NISCH: variants seen among roughly 807,000 people sequenced by gnomAD.
NISCH encodes the protein nischarin.
A neutral mutation model predicts 138.4 loss-of-function variants in NISCH; 55 were observed. The ratio of observed to expected loss-of-function variants is 0.40; its 90% confidence interval spans 0.32 to 0.50. The LOEUF is 0.50. Ranked by LOEUF, NISCH falls within the 20% of genes least tolerant of loss-of-function variation. The pLI, the probability that NISCH is intolerant of heterozygous loss-of-function variation, is 0.71. For synonymous variants in NISCH, 860 were observed against 861.5 expected (o/e 1.00, Z 0.03); for missense variants, 1,643 against 2,005.5 (o/e 0.82, Z 3.45).
chr3:52,489,010 A>C (rs1371986703), intron 16 of NISCH, among the ~76,000 whole-genome samples: 1 of 152,068 alleles, frequency 6.6e-6, no homozygotes, highest in East Asian at 1.9e-4. Context: ...TACCTCCTCC[A>C]GGGTCACAGT....
intron 19 of NISCH, 68 bp downstream of exon 19, chr3:52,490,901 C>A (rs376804589): frequency 6.3e-7 from 1 of 1,593,458 alleles, no homozygotes. Context: ...CTTCCACCTT[C>A]CGTACGTGGG....
intron 3 of NISCH, among the ~76,000 whole-genome samples, chr3:52,462,037 G>A (rs1349562981): frequency 6.6e-6 from 1 of 152,080 alleles, no homozygotes; most frequent in Non-Finnish European, 1.5e-5. Flanking sequence ...GGGTGGAAAG[G>A]CCTGGACTGC....
intron 8 of NISCH, among the ~76,000 whole-genome samples, 200 bp from the exon 9 acceptor site, chr3:52,477,374 A>G (rs1707127291): frequency 1.3e-5 from 2 of 152,214 alleles, no homozygotes; most frequent in African/African-American, 4.8e-5. Context: ...AGTAGTGCCC[A>G]GCACTGGGGG....
At chr3:52,477,455 C>T (rs1344543574) in intron 8 of NISCH, 119 bp from the exon 9 acceptor site, 13 of 770,920 alleles carry the variant, frequency 1.7e-5, no homozygotes, top group East Asian at 1.0e-4. Context: ...CCTGCAGGGA[C>T]GGCCCGTGGG....
chr3:52,472,014 A>C (rs1479293031), intron 5 of NISCH, 37 bp downstream of exon 5: 11 of 1,540,298 alleles, frequency 7.1e-6, no homozygotes. Flanking sequence ...AGAGCCCCGC[A>C]GTCGGTGGGG....
chr3:52,478,586 C>T lies in NISCH; in HGVS notation c.1302+9C>T. The T allele has an allele frequency of 6.2e-7, 1 of 1,613,900 alleles. No individual in the cohort carries two copies. Among genetic ancestry groups the T allele is most frequent in the Non-Finnish European group, 8.5e-7 (1 of 1,179,830 alleles). On this transcript the variant is annotated intron_variant, in intron 11 of 20. Transcript: ENST00000345716. Reference sequence around the variant, plus strand: ...GAGAGAGGGCCTCAGAGGTGAGCCCCAGCACAGTCAGAAGAGCCCAGGGAG... The same window carrying T: ...GAGAGAGGGCCTCAGAGGTGAGCCCTAGCACAGTCAGAAGAGCCCAGGGAG...
At chr3:52,479,987 G>A (rs1707221724) in intron 12 of NISCH, 125 bp downstream of exon 12, 1 of 966,478 alleles carries the variant, frequency 1.0e-6, no homozygotes, top group Non-Finnish European at 1.6e-6. Context: ...CTCCCTGGCT[G>A]CATGACCTCG....
chr3:52,479,645 C>G, intron 11 of NISCH, 104 bp from the exon 12 acceptor site: 1 of 847,248 alleles, frequency 1.2e-6, no homozygotes, highest in South Asian at 1.7e-5. Flanking sequence ...CCCTACCATC[C>G]TCCTGCCATG....
chr3:52,480,258 A>G lies in NISCH; in HGVS notation c.1491A>G (p.Ala497=), dbSNP rs559999095. ...GCTCCCCTCCCACTGTGGCTCCCGC[A>G]TCTGCCTCCCTGCCCCAGCCCATCC... ...PSSSPPTVAP[A]SASLPQPILS... Residue 497 remains alanine, a synonymous_variant, in exon 13 of 21, where the codon GCA becomes GCG. Coordinates refer to ENST00000345716, the MANE Select transcript of NISCH (RefSeq NM_007184.4). 2 of 1,613,806 alleles carry G rather than the reference A, an allele frequency of 1.2e-6. No individual in the cohort carries two copies. Among genetic ancestry groups the G allele is most frequent in the African/African-American group, 2.7e-5 (2 of 74,988 alleles).
Position 52,492,333 on chromosome 3 carries a change from G to A in NISCH, c.4366G>A (p.Gly1456Ser). 6.2e-7 allele frequency: 1 copy of A among 1,613,466 alleles called. No individual in the cohort carries two copies. Among genetic ancestry groups the A allele is most frequent in the African/African-American group, 1.3e-5 (1 of 75,074 alleles). The change falls in exon 21 of 21, where the codon GGT becomes AGT. Residue 1456 changes from glycine (G) to serine (S), a missense_variant. Transcript: ENST00000345716. ...VTLDHFGEVP[G>S]GPARASQGRE... is the part of the protein sequence containing the mutation. ...CCTGGACCACTTTGGGGAGGTGCCAGGTGGCCCGGCTAGAGCCAGCCAGGG... is the reference window on the plus strand; with the variant it reads ...CCTGGACCACTTTGGGGAGGTGCCAAGTGGCCCGGCTAGAGCCAGCCAGGG...
rs77768459 is a variant in NISCH at position 52,488,075 on chromosome 3, C to A, written c.2583C>A (p.Val861=). Residue 861 remains valine (V), a synonymous_variant, in exon 16 of 21, where the codon GTC becomes GTA. Transcript: ENST00000345716. ...RSQGCFPVYL[V]YSDKRMVQTA... ...AGGGCTGCTTCCCCGTCTACCTGGTCTACAGTGACAAGCGCATGGTGCAGA... is the reference window on the plus strand; with the variant it reads ...AGGGCTGCTTCCCCGTCTACCTGGTATACAGTGACAAGCGCATGGTGCAGA... The A allele has an allele frequency of 5.4e-3, 8,779 of 1,612,852 alleles. 28 individuals are homozygous for A. Among genetic ancestry groups the A allele is most frequent in the Non-Finnish European group, 6.7e-3 (7,923 of 1,179,962 alleles).
chr3:52,481,266 A>T (rs1183902517), intron 13 of NISCH: 1 of 1,061,094 alleles, frequency 9.4e-7, no homozygotes, highest in African/African-American at 1.7e-5. Flanking sequence ...CCCTCCCAGC[A>T]GGGACAGGAA....
chr3:52,484,462 T>TTGGCGC, intron 13 of NISCH, 51 bp from the exon 14 acceptor site: 23 of 788,670 alleles, frequency 2.9e-5, no homozygotes, highest in Non-Finnish European at 4.0e-5. Flanking sequence ...ACAGCCGCTC[T>TTGGCGC]CCCCGCCCCA....
rs201933512 is a variant in NISCH at position 52,488,167 on chromosome 3, G to A, written c.2675G>A (p.Arg892His). Residue 892 changes from arginine (R) to histidine (H), a missense_variant, in exon 16 of 21, where the codon CGC becomes CAC. Arg to His is a conservative substitution (Grantham distance 29, BLOSUM62 0). Transcript: ENST00000345716. ...ASCTLCSAVR[R>H]SCCAPSEAVK... The stretch of plus-strand genomic sequence containing the variant: ...TGCACACTCTGTTCAGCCGTGCGGC[G>A]CTCCTGCTGCGCGCCCTCTGAGGCC... The A allele has an allele frequency of 3.8e-5, 61 of 1,613,260 alleles. No individual in the cohort carries two copies. The Admixed American group carries it at 4.3e-4, about 11-fold the overall frequency.
chr3:52,458,871 G>A (rs1706551178), intron 3 of NISCH, 27 bp downstream of exon 3: 2 of 1,562,090 alleles, frequency 1.3e-6, no homozygotes, highest in Non-Finnish European at 1.7e-6. Flanking sequence ...GTTTTCACCT[G>A]TGCCTGCAAA....
intron 13 of NISCH, chr3:52,480,502 G>T: frequency 2.0e-6 from 3 of 1,524,188 alleles, no homozygotes; most frequent in South Asian, 1.2e-5. Flanking sequence ...GCTTGGTGAG[G>T]ACTCCCAATT....
intron 12 of NISCH, 137 bp from the exon 13 acceptor site, chr3:52,480,047 C>G: frequency 9.5e-7 from 1 of 1,051,766 alleles, no homozygotes; most frequent in Non-Finnish European, 1.4e-6. Flanking sequence ...AGTGGTAGTT[C>G]CTGCTCTAAG....
In NISCH at chr3:52,455,720, G is replaced by A. The variant is rs759828132; in HGVS notation, c.79G>A (p.Val27Met). The A allele has an allele frequency of 2.9e-6, 4 of 1,367,790 alleles. No homozygotes were observed. Among genetic ancestry groups the A allele is most frequent in the African/African-American group, 1.5e-5 (1 of 66,664 alleles). The allele number at this position is 1,367,790 out of a possible 1,614,324, so 84.7% of individuals were successfully genotyped here. A position where few individuals can be genotyped will look rare whatever the true frequency, so the allele number is the denominator to read the frequency against. ...AGCGCGCGTCGTGGGCTCGGAGCTT[G>A]TGGACACTTATACGGTGTGTTGGGG... is the stretch of plus-strand genomic sequence containing the variant. ...KEARVVGSEL[V>M]DTYTVYIIQV... The change falls in exon 1 of 21, where the codon GTG (valine) becomes ATG (methionine). Residue 27 changes from valine (V) to methionine (M), a missense_variant. By Grantham distance (21) the Val-to-Met change is conservative. Coordinates refer to ENST00000345716, the MANE Select transcript of NISCH (RefSeq NM_007184.4).
At chr3:52,457,593 C>G (rs1706510169) in intron 1 of NISCH, among the ~76,000 whole-genome samples, 1 of 152,192 alleles carries the variant, frequency 6.6e-6, no homozygotes, top group Non-Finnish European at 1.5e-5. Context: ...ATGCTTGTCT[C>G]ATGTGCCTCC....
Sources: gnomAD v4.1 joint callset for allele counts (sites outside exome capture counted in the v4.1 genomes callset) on GRCh38, gnomAD v4.1.1 for gene constraint, MANE v1.5 for transcripts, NCBI Gene and HGNC (gene_info 2026-07-23, HGNC 2026-07-21) for gene names.